Variants in RFX8 observed in about 807,000 individuals in gnomAD.
The protein encoded by RFX8 is DNA-binding protein RFX8.
In RFX8, 46 loss-of-function variants were observed where a neutral mutation model predicts 54.6. The observed-to-expected ratio is 0.84, with a 90% CI of 0.67 to 1.08. RFX8 has a LOEUF of 1.08. Ranked by LOEUF, RFX8 falls within the 50% of genes least tolerant of loss-of-function variation. The pLI, the probability that RFX8 is intolerant of heterozygous loss-of-function variation, is 0.00. For missense variants in RFX8, 536 were observed against 562.3 expected (o/e 0.95, Z 0.47); for synonymous variants, 192 against 209.5 (o/e 0.92, Z 0.72).
intron 1 of RFX8, among the ~76,000 whole-genome samples, chr2:101,469,042 GTATATA>G: frequency 4.2e-5 from 1 of 23,576 alleles, no homozygotes; most frequent in Non-Finnish European, 8.9e-5. Flanking sequence ...GTATATATAT[GTATATA>G]TATATACGTA....
rs780245061 is a variant in RFX8 at position 101,421,728 on chromosome 2, C to T, written c.233G>A (p.Arg78Gln). 258 of 1,549,824 alleles carry T rather than the reference C, an allele frequency of 1.7e-4. No individual in the cohort carries two copies. Among genetic ancestry groups the T allele is most frequent in the Non-Finnish European group, 2.1e-4 (239 of 1,146,016 alleles). The change falls in exon 4 of 12, where the codon CGA (arginine) becomes CAA (glutamine). Residue 78 changes from arginine (R) to glutamine (Q), a missense_variant. Transcript: ENST00000428343. ...EYCNYCRDIL[R>Q]NVEDLLTSFW... ...CTCAAGTTCTCAGTTCCTCACATTTCGTAAAATGTCTCGACAATAGTTGCA... is the reference window on the plus strand; with the variant it reads ...CTCAAGTTCTCAGTTCCTCACATTTTGTAAAATGTCTCGACAATAGTTGCA...
intron 1 of RFX8, among the ~76,000 whole-genome samples, chr2:101,470,241 G>A (rs1439998528): frequency 2.0e-5 from 3 of 152,134 alleles, no homozygotes; most frequent in Admixed American, 6.6e-5. Flanking sequence ...GCCTACTACC[G>A]TGGCTTGCAC....
chr2:101,429,758 C>G (rs1321197722), intron 2 of RFX8, among the ~76,000 whole-genome samples: 2 of 152,162 alleles, frequency 1.3e-5, no homozygotes, highest in African/African-American at 4.8e-5. Flanking sequence ...CTGATGGTTT[C>G]AGCTCTACCT....
chr2:101,458,245 C>G (rs1206259107), intron 2 of RFX8, among the ~76,000 whole-genome samples: 1 of 152,188 alleles, frequency 6.6e-6, no homozygotes, highest in Non-Finnish European at 1.5e-5. Context: ...GAATTTGATC[C>G]TGTCATTATG....
chr2:101,473,126 A>G (rs1407998364), intron 1 of RFX8, among the ~76,000 whole-genome samples: 1 of 152,214 alleles, frequency 6.6e-6, no homozygotes, highest in Non-Finnish European at 1.5e-5. Flanking sequence ...CTAGACCATC[A>G]TAAGCCCCCT....
intron 2 of RFX8, among the ~76,000 whole-genome samples, chr2:101,438,554 T>C (rs1687910134): frequency 1.3e-5 from 2 of 152,212 alleles, no homozygotes; most frequent in Admixed American, 6.5e-5. Context: ...TGTGTGCAAG[T>C]TTCTGTGTGG....
intron 1 of RFX8, among the ~76,000 whole-genome samples, chr2:101,467,773 G>A (rs565913004): frequency 5.3e-5 from 8 of 152,164 alleles, no homozygotes; most frequent in Non-Finnish European, 8.8e-5. Context: ...GTATGTGAGC[G>A]TGGAGGTGAG....
In RFX8 at chr2:101,436,082, C is replaced by T. The variant is rs886875371; in HGVS notation, c.73-13610G>A. 1.1e-4 allele frequency among the ~76,000 whole-genome samples: 17 copies of T among 152,264 alleles called. 1 individual carries two copies. In the East Asian group the frequency reaches 3.3e-3, roughly 30 times the overall value. On this transcript the variant is annotated intron_variant, in intron 2 of 11. Transcript: ENST00000428343. Reference sequence around the variant, plus strand: ...GCATCTGTGGGCACCCTCTTCTCCCCTCCCCAGCAGACGGGTGTGGAGGGA... The same window carrying T: ...GCATCTGTGGGCACCCTCTTCTCCCTTCCCCAGCAGACGGGTGTGGAGGGA...
In RFX8 at chr2:101,440,270, C is replaced by G. The variant is rs1356137937; in HGVS notation, c.73-17798G>C. Among the ~76,000 whole-genome samples, 3 of 152,238 alleles carry G rather than the reference C, an allele frequency of 2.0e-5. No individual in the cohort carries two copies. The East Asian group carries it at 5.8e-4, about 29-fold the overall frequency. ...ACTGCTCTCGTAGAAAGCTCTGCTG[C>G]CAAGTTTGGCCCTCGGCTAGGGTCT... On this transcript the variant is annotated intron_variant, in intron 2 of 11. Transcript: ENST00000428343.
chr2:101,457,197 T>A (rs1385697511), intron 2 of RFX8, among the ~76,000 whole-genome samples: 1 of 152,218 alleles, frequency 6.6e-6, no homozygotes, highest in Non-Finnish European at 1.5e-5. Context: ...TTTTTGTGTC[T>A]CTATCTCCTT....
intron 2 of RFX8, among the ~76,000 whole-genome samples, chr2:101,461,262 C>CAAAAAAAAAAAAAAAAAAA (rs11350961): frequency 1.1e-5 from 1 of 89,908 alleles, no homozygotes; most frequent in Non-Finnish European, 2.1e-5. Context: ...GACTCCATCT[C>CAAAAAAAAAAAAAAAAAAA]AAAAAAAAAA....
intron 2 of RFX8, among the ~76,000 whole-genome samples, chr2:101,432,401 G>A (rs1208068309): frequency 6.6e-6 from 1 of 152,168 alleles, no homozygotes; most frequent in African/African-American, 2.4e-5. Context: ...AGATTCAGAG[G>A]AGTGAACACC....
intron 2 of RFX8, among the ~76,000 whole-genome samples, chr2:101,443,874 C>G (rs1365449454): frequency 6.6e-6 from 1 of 152,102 alleles, no homozygotes; most frequent in Non-Finnish European, 1.5e-5. Context: ...ACTGGTGACC[C>G]ATCTGCCCAC....
At chr2:101,423,040 T>C (rs1686953943) in intron 2 of RFX8, among the ~76,000 whole-genome samples, 1 of 152,044 alleles carries the variant, frequency 6.6e-6, no homozygotes. Context: ...GGTGGATCAC[T>C]TGAAGTCAGT....
intron 2 of RFX8, among the ~76,000 whole-genome samples, chr2:101,425,711 G>C (rs985428541): frequency 6.6e-6 from 1 of 152,086 alleles, no homozygotes; most frequent in African/African-American, 2.4e-5. Flanking sequence ...GAAAAGAATT[G>C]TTCTTTCACA....
In RFX8 at chr2:101,466,881, T is replaced by C; in HGVS notation, c.-33A>G. 6.6e-7 allele frequency: 1 copy of C among 1,519,564 alleles called. No homozygotes were observed. The highest frequency in any genetic ancestry group is 8.9e-7 in the Non-Finnish European group (1 of 1,117,776). 94.1% of individuals were successfully genotyped at this position (1,519,564 alleles called of 1,614,324 possible). On this transcript the variant is annotated 5_prime_UTR_variant, in exon 2 of 12. Transcript: ENST00000428343. ...CGAGGGACGCTGCACTCTTCGCAAATGCAGAAGTTGTCGACCAACCTGGAG... is the reference window on the plus strand; with the variant it reads ...CGAGGGACGCTGCACTCTTCGCAAACGCAGAAGTTGTCGACCAACCTGGAG...
At chr2:101,457,647 ATAAG>A (rs1226362759) in intron 2 of RFX8, among the ~76,000 whole-genome samples, 10 of 152,282 alleles carry the variant, frequency 6.6e-5, no homozygotes, top group Non-Finnish European at 5.9e-5. Flanking sequence ...CAATTTTAGA[ATAAG>A]TGTGATGTGG....
Position 101,413,049 on chromosome 2 carries a change from C to A in RFX8, c.584G>T (p.Ser195Ile). The change falls in exon 8 of 12, where the codon AGT (serine) becomes ATT (isoleucine). Residue 195 changes from serine (S) to isoleucine (I), a missense_variant. Transcript: ENST00000428343. ...CTTCAAAACGCTGACACGCCTCTTA[C>A]TTTTCAATACCATTCGCATAGTCTA... is the stretch of plus-strand genomic sequence containing the variant. ...MAKTMRMVLK[S>I]KRRVSVLKSD... is the part of the protein sequence containing the mutation. 3 of 1,552,110 alleles carry A rather than the reference C, an allele frequency of 1.9e-6. No homozygotes were observed. The highest frequency in any genetic ancestry group is 2.6e-6 in the Non-Finnish European group (3 of 1,147,046).
At chr2:101,417,477 A>G (rs1686596284) in intron 6 of RFX8, 57 bp downstream of exon 6, 13 of 1,490,316 alleles carry the variant, frequency 8.7e-6, no homozygotes, top group Non-Finnish European at 1.2e-5. Flanking sequence ...AAGTGCTGGG[A>G]TTACAGGCAT....
Sources: gnomAD v4.1 joint callset for allele counts (sites outside exome capture counted in the v4.1 genomes callset) on GRCh38, gnomAD v4.1.1 for gene constraint, MANE v1.5 for transcripts, NCBI Gene and HGNC (gene_info 2026-07-23, HGNC 2026-07-21) for gene names.